Variants in GPR149 observed in about 807,000 individuals in gnomAD.
GPR149 encodes G protein-coupled receptor 149, also known as probable G protein-coupled receptor 149.
GPR149 carries 50 observed loss-of-function variants against 50.2 expected under a neutral mutation model. The observed-to-expected ratio is 1.00, with a 90% CI of 0.79 to 1.26. The LOEUF is 1.26. GPR149 is among the 50% of genes most tolerant of loss of function. The pLI is 0.00. For missense variants in GPR149, 983 were observed against 895.4 expected (o/e 1.10, Z -1.25); for synonymous variants, 405 against 358.2 (o/e 1.13, Z -1.48).
rs150498698 is a variant in GPR149, at chr3:154,429,884, C to T, written c.-269G>A. Among the ~76,000 whole-genome samples the T allele has an allele frequency of 4.5e-3, 686 of 151,014 alleles. 2 individuals are homozygous for T. Among genetic ancestry groups the T allele is most frequent in the African/African-American group, 0.016 (651 of 41,232 alleles). ...TCCAATTAAAAACAAAGCAAAAACT[C>T]CTTCCCACCATCAAGTTTCAGGGAA... On this transcript the variant is annotated 5_prime_UTR_variant, in exon 1 of 4. Coordinates refer to ENST00000389740, the MANE Select transcript of GPR149 (RefSeq NM_001038705.3).
chr3:154,372,544 C>G (rs748160859), intron 3 of GPR149, among the ~76,000 whole-genome samples: 1 of 152,172 alleles, frequency 6.6e-6, no homozygotes, highest in African/African-American at 2.4e-5. Flanking sequence ...ACCAATATCT[C>G]ACCTTCCAAA....
chr3:154,338,758 G>A (rs1379301386), intron 3 of GPR149, among the ~76,000 whole-genome samples: 1 of 152,006 alleles, frequency 6.6e-6, no homozygotes, highest in Non-Finnish European at 1.5e-5. Context: ...GTGGCTTAAG[G>A]ACAAAAGATA....
At chr3:154,383,651 T>C (rs951436354) in intron 3 of GPR149, among the ~76,000 whole-genome samples, 1 of 152,166 alleles carries the variant, frequency 6.6e-6, no homozygotes, top group African/African-American at 2.4e-5. Context: ...CATGGGCATA[T>C]GCTTGGAAAA....
chr3:154,352,591 G>A, intron 3 of GPR149: 1 of 776,838 alleles, frequency 1.3e-6, no homozygotes. Context: ...ATGGTCATCA[G>A]AGGCGATCAA....
rs888553076 is a variant in GPR149 at position 154,428,901 on chromosome 3, G to A, written c.715C>T (p.Pro239Ser). 1.2e-6 allele frequency: 2 copies of A among 1,614,064 alleles called. No homozygotes were observed. Among genetic ancestry groups the A allele is most frequent in the African/African-American group, 1.3e-5 (1 of 75,060 alleles). Reference protein sequence around the residue: ...YQEISRGASIPGTPPTAGRVV... With the variant: ...YQEISRGASISGTPPTAGRVV... ...CTCCCCGCAGTAGGAGGGGTCCCAG[G>A]AATTGAAGCTCCACGGGAAATTTCC... The change falls in exon 1 of 4, where the codon CCT becomes TCT. Residue 239 changes from proline (P) to serine (S), a missense_variant. Pro to Ser is a moderately conservative substitution (Grantham distance 74). Coordinates refer to ENST00000389740, the MANE Select transcript of GPR149 (RefSeq NM_001038705.3).
At chr3:154,353,828 G>T (rs963665469) in intron 3 of GPR149, 2 of 654,430 alleles carry the variant, frequency 3.1e-6, no homozygotes, top group African/African-American at 1.8e-5. Context: ...TCAAATACAG[G>T]ACAAGGTCCT....
chr3:154,369,438 G>A (rs774601185), intron 3 of GPR149, among the ~76,000 whole-genome samples: 2 of 152,176 alleles, frequency 1.3e-5, no homozygotes, highest in African/African-American at 2.4e-5. Flanking sequence ...CCTGTGCCAA[G>A]CCTGCAAGCT....
At chr3:154,405,506 T>C (rs1487929592) in intron 3 of GPR149, among the ~76,000 whole-genome samples, 1 of 146,140 alleles carries the variant, frequency 6.8e-6, no homozygotes, top group African/African-American at 2.5e-5. Context: ...GAAAATCACT[T>C]GAACCTGGGA....
intron 3 of GPR149, among the ~76,000 whole-genome samples, chr3:154,402,727 G>T (rs1460280201): frequency 1.6e-5 from 2 of 127,820 alleles, no homozygotes; most frequent in African/African-American, 2.8e-5. Flanking sequence ...TAAGTGCGTT[G>T]TCTATATCCT....
At chr3:154,419,065 T>A (rs910393040) in intron 3 of GPR149, among the ~76,000 whole-genome samples, 11 of 152,158 alleles carry the variant, frequency 7.2e-5, no homozygotes, top group African/African-American at 2.2e-4. Flanking sequence ...TCCAGAATAT[T>A]GTATTATCCA....
intron 3 of GPR149, among the ~76,000 whole-genome samples, chr3:154,374,315 C>T (rs555057780): frequency 1.1e-4 from 16 of 151,988 alleles, no homozygotes; most frequent in African/African-American, 3.9e-4. Flanking sequence ...GCCGAGATTA[C>T]AGGTGTGCTC....
chr3:154,383,306 C>A (rs907809508), intron 3 of GPR149, among the ~76,000 whole-genome samples: 1 of 152,152 alleles, frequency 6.6e-6, no homozygotes, highest in Non-Finnish European at 1.5e-5. Flanking sequence ...TATGCCATCT[C>A]AGACTTAACA....
intron 3 of GPR149, chr3:154,352,307 G>A: frequency 2.2e-6 from 2 of 920,158 alleles, no homozygotes; most frequent in Non-Finnish European, 3.4e-6. Flanking sequence ...CACTTGACCA[G>A]CCATTCCTCC....
rs1005040905 is a variant in GPR149, at chr3:154,410,232, C to T, written c.1623+10807G>A. 4.6e-4 allele frequency among the ~76,000 whole-genome samples: 70 copies of T among 152,008 alleles called. 2 individuals are homozygous for T. On this transcript the variant is annotated intron_variant, in intron 3 of 3. Coordinates refer to ENST00000389740, the MANE Select transcript of GPR149 (RefSeq NM_001038705.3). ...GCACTACAAGAACTGCTAAAAGGAGCTCTAACTATTGAAACCAATCCTCAA... is the reference window on the plus strand; with the variant it reads ...GCACTACAAGAACTGCTAAAAGGAGTTCTAACTATTGAAACCAATCCTCAA...
chr3:154,340,377 T>A (rs1007127539), intron 3 of GPR149, among the ~76,000 whole-genome samples: 1 of 152,226 alleles, frequency 6.6e-6, no homozygotes, highest in Admixed American at 6.5e-5. Flanking sequence ...CCACACAGGT[T>A]CATCACAGCA....
Position 154,380,166 on chromosome 3 carries a change from CAGAGAGAGAGAG to C in GPR149, c.1623+40861_1623+40872del, listed in dbSNP as rs57858107. Among the ~76,000 whole-genome samples the C allele has an allele frequency of 4.3e-3, 579 of 133,684 alleles. 7 individuals are homozygous for C. The highest frequency in any genetic ancestry group is 7.4e-3 in the African/African-American group (264 of 35,652). 87.7% of individuals were successfully genotyped at this position (133,684 alleles called of 152,430 possible). On this transcript the variant is annotated intron_variant, in intron 3 of 3. Transcript: ENST00000389740. ...TTTGTGTGTGTGTGTGTGAGAGAGA[CAGAGAGAGAGAG>C]AGAGAGAGAGAGAGAGAGAGAGAGA... is the stretch of plus-strand genomic sequence containing the variant.
chr3:154,419,421 A>G (rs946893800), intron 3 of GPR149, among the ~76,000 whole-genome samples: 41 of 152,008 alleles, frequency 2.7e-4, no homozygotes, highest in Non-Finnish European at 4.0e-4. Context: ...TTAGATAATA[A>G]TTTCCATGGT....
chr3:154,358,544 A>G (rs906460225), intron 3 of GPR149, among the ~76,000 whole-genome samples: 2 of 152,328 alleles, frequency 1.3e-5, no homozygotes, highest in East Asian at 3.9e-4. Context: ...TCAATAAAGC[A>G]TTGTTGTTGA....
rs1356505651 is a variant in GPR149, at chr3:154,429,659, A to G, written c.-44T>C. 1 of 1,533,024 alleles carries G rather than the reference A, an allele frequency of 6.5e-7. No homozygotes were observed. Among genetic ancestry groups the G allele is most frequent in the African/African-American group, 1.4e-5 (1 of 72,260 alleles). 95.0% of individuals were successfully genotyped at this position (1,533,024 alleles called of 1,614,324 possible). A position where few individuals can be genotyped will look rare whatever the true frequency, so the allele number is the denominator to read the frequency against. ...AATTTCCCTTATCAATGAGTCTGAT[A>G]ATTTTCTCAAAAGAAAGACCGGCTG... On this transcript the variant is annotated 5_prime_UTR_variant, in exon 1 of 4. Transcript: ENST00000389740.
Sources: gnomAD v4.1 joint callset for allele counts (sites outside exome capture counted in the v4.1 genomes callset) on GRCh38, gnomAD v4.1.1 for gene constraint, MANE v1.5 for transcripts, NCBI Gene and HGNC (gene_info 2026-07-23, HGNC 2026-07-21) for gene names.